The following CLK3 variants were observed in gnomAD, a reference collection of about 807,000 sequenced individuals.
The protein encoded by CLK3 is dual specificity protein kinase CLK3.
Under a neutral mutation model 65.2 loss-of-function variants are expected in CLK3, and 24 were observed. The ratio of observed to expected loss-of-function variants is 0.37; its 90% CI spans 0.27 to 0.52. CLK3 has a LOEUF of 0.52. CLK3 is among the 20% of genes least tolerant of loss of function. CLK3 has a pLI of 0.92. For synonymous variants in CLK3, 252 were observed against 240.8 expected (o/e 1.05, Z -0.43); for missense variants, 506 against 660.0 (o/e 0.77, Z 2.56).
At position 74,624,873 on chromosome 15, in the gene CLK3, A is replaced by C. The variant is rs752581307; in HGVS notation, c.534-29A>C. On this transcript the variant is annotated intron_variant, in intron 5 of 12. Transcript: ENST00000395066. The surrounding 1 kb of genome is among the most constrained non-coding windows in gnomAD (Gnocchi z 4.2). ...GGGAAGGACTGGGCAGCTGCTGATG[A>C]GAACCTCTGTTTCCTTCCCGGGTAC... The C allele has an allele frequency of 1.3e-6, 2 of 1,539,708 alleles. No homozygotes were observed. The highest frequency in any genetic ancestry group is 1.8e-6 in the Non-Finnish European group (2 of 1,122,354).
intron 7 of CLK3, among the ~76,000 whole-genome samples, chr15:74,626,824 G>A (rs2062146388): frequency 6.6e-6 from 1 of 152,192 alleles, no homozygotes; most frequent in Non-Finnish European, 1.5e-5. Context: ...GGAGGGGAAA[G>A]GCTTGCCTGC....
intron 11 of CLK3, 59 bp from the exon 12 acceptor site, chr15:74,628,883 C>T: frequency 2.3e-6 from 3 of 1,284,276 alleles, no homozygotes; most frequent in Non-Finnish European, 3.4e-6. Context: ...TCCCCACCTC[C>T]CACCAGAGGC....
In CLK3 at chr15:74,620,059, A is replaced by T. The variant is rs1262350031; in HGVS notation, c.203A>T (p.Asp68Val). The T allele has an allele frequency of 1.9e-6, 3 of 1,614,058 alleles. No homozygotes were observed. In the East Asian group the frequency reaches 6.7e-5, roughly 36 times the overall value. ...QRRYRERRDS[D>V]TYRCEERSPS... ...AGGTACCGGGAGCGCCGTGACAGCGATACATACCGGTGTGAAGAGCGGAGC... is the reference window on the plus strand; with the variant it reads ...AGGTACCGGGAGCGCCGTGACAGCGTTACATACCGGTGTGAAGAGCGGAGC... Residue 68 changes from aspartate to valine, a missense_variant, in exon 3 of 13, where the codon GAT becomes GTT. This residue lies in a region of CLK3 where 181 missense variants were observed against 159.4 expected (regional missense o/e 1.14). Coordinates refer to ENST00000395066, the MANE Select transcript of CLK3 (RefSeq NM_001130028.2).
In CLK3 at chr15:74,620,110, G is replaced by A. The variant is rs768019957; in HGVS notation, c.254G>A (p.Gly85Glu). 1 of 1,614,218 alleles carries A rather than the reference G, an allele frequency of 6.2e-7. No individual in the cohort carries two copies. The highest frequency in any genetic ancestry group is 8.5e-7 in the Non-Finnish European group (1 of 1,180,042). Residue 85 changes from glycine (G) to glutamate (E), a missense_variant, in exon 3 of 13, where the codon GGA becomes GAA. Coordinates refer to ENST00000395066, the MANE Select transcript of CLK3 (RefSeq NM_001130028.2). ...CCATCCTTTGGAGAGGACTACTATG[G>A]ACCTTCACGTTCTCGTCATCGTCGG... ...RSPSFGEDYY[G>E]PSRSRHRRRS...
upstream of CLK3, chr15:74,615,562 G>A: frequency 1.7e-5 from 21 of 1,269,516 alleles, no homozygotes; most frequent in East Asian, 3.1e-5. Context: ...TCTCGGCTCT[G>A]AGAGCCCAGC....
At position 74,627,614 on chromosome 15, in the gene CLK3, C is replaced by T; in HGVS notation, c.988C>T (p.His330Tyr). 1 of 1,614,124 alleles carries T rather than the reference C, an allele frequency of 6.2e-7. No individual in the cohort carries two copies. Among genetic ancestry groups the T allele is most frequent in the Non-Finnish European group, 8.5e-7 (1 of 1,180,034 alleles). ...TGGCAGTGCCACATTTGACCATGAG[C>T]ACCACACCACCATTGTGGCCACCCG... is the stretch of plus-strand genomic sequence containing the variant. The part of the protein sequence containing the change: ...DFGSATFDHE[H>Y]HTTIVATRHY... The change falls in exon 9 of 13, where the codon CAC becomes TAC. Residue 330 changes from histidine (H) to tyrosine (Y), a missense_variant. This residue lies in a region of CLK3 where 325 missense variants were observed against 500.5 expected (regional missense o/e 0.65). Coordinates refer to ENST00000395066, the MANE Select transcript of CLK3 (RefSeq NM_001130028.2). The surrounding 1 kb of genome is among the most constrained non-coding windows in gnomAD (Gnocchi z 4.3).
In CLK3 at chr15:74,624,778, T is replaced by G. The variant is rs895806903; in HGVS notation, c.534-124T>G. On this transcript the variant is annotated intron_variant, in intron 5 of 12. Coordinates refer to ENST00000395066, the MANE Select transcript of CLK3 (RefSeq NM_001130028.2). The surrounding 1 kb of genome is among the most constrained non-coding windows in gnomAD (Gnocchi z 4.2). ...TGGGGCAGGCTGGGCATCCAGTATC[T>G]GCTCTCTTCAGTGCCGGCTGCTCCT... is the stretch of plus-strand genomic sequence containing the variant. 2 of 702,736 alleles carry G rather than the reference T, an allele frequency of 2.8e-6. No individual in the cohort carries two copies. Among genetic ancestry groups the G allele is most frequent in the African/African-American group, 1.8e-5 (1 of 56,778 alleles). The allele number at this position is 702,736 out of a possible 1,614,324, so 43.5% of individuals were successfully genotyped here.
At chr15:74,612,165 C>T (rs1331601840), upstream of CLK3, among the ~76,000 whole-genome samples, 1 of 152,236 alleles carries the variant, frequency 6.6e-6, no homozygotes, top group African/African-American at 2.4e-5. Flanking sequence ...GCTGCAATCC[C>T]CACCCAACAC....
At chr15:74,615,445 C>G, upstream of CLK3, 1 of 1,284,736 alleles carries the variant, frequency 7.8e-7, no homozygotes, top group Non-Finnish European at 9.9e-7. Context: ...TCTCCGGGGC[C>G]CCGAGAACAA....
chr15:74,629,060 C>T (rs2062169068), intron 12 of CLK3, 28 bp downstream of exon 12: 1 of 1,546,088 alleles, frequency 6.5e-7, no homozygotes, highest in East Asian at 2.2e-5. Context: ...CCCAGCTGAA[C>T]TCATGCCAAG....
chr15:74,622,350 A>G lies in CLK3; in HGVS notation c.466+134A>G. ...CCACCAGTAATTGCCTGAATGACAC[A>G]GACACTAGCAACTTCCATTTTTAAG... On this transcript the variant is annotated intron_variant, in intron 4 of 12. Coordinates refer to ENST00000395066, the MANE Select transcript of CLK3 (RefSeq NM_001130028.2). The surrounding 1 kb of genome is among the most constrained non-coding windows in gnomAD (Gnocchi z 4.6). The G allele has an allele frequency of 9.7e-7, 1 of 1,027,684 alleles. No homozygotes were observed. 63.7% of individuals were successfully genotyped at this position (1,027,684 alleles called of 1,614,324 possible). A position where few individuals can be genotyped will look rare whatever the true frequency, so the allele number is the denominator to read the frequency against.
chr15:74,619,844 G>T, intron 2 of CLK3, 165 bp from the exon 3 acceptor site: 1 of 1,137,972 alleles, frequency 8.8e-7, no homozygotes, highest in Non-Finnish European at 1.2e-6. Flanking sequence ...TGGAGGGCGG[G>T]CTTAGTACCT....
chr15:74,626,480 G>C (rs1032405460), intron 7 of CLK3, among the ~76,000 whole-genome samples: 4 of 152,252 alleles, frequency 2.6e-5, no homozygotes, highest in Admixed American at 2.6e-4. Flanking sequence ...CGTTGAGCTA[G>C]AATCGCTCAA....
intron 1 of CLK3, among the ~76,000 whole-genome samples, chr15:74,618,812 C>T (rs1001604184): frequency 3.3e-5 from 5 of 152,210 alleles, no homozygotes; most frequent in African/African-American, 1.2e-4. Flanking sequence ...GACCGCCCCC[C>T]CGGGCGGGAG....
chr15:74,626,665 G>A (rs2062145400), intron 7 of CLK3, among the ~76,000 whole-genome samples: 2 of 152,218 alleles, frequency 1.3e-5, no homozygotes, highest in African/African-American at 4.8e-5. Flanking sequence ...GTGAGGCCTG[G>A]AGCCTGTTAA....
chr15:74,615,522 C>T (rs1567140893), upstream of CLK3: 2 of 1,294,824 alleles, frequency 1.5e-6, no homozygotes, highest in Non-Finnish European at 2.0e-6. Context: ...CGGAGCGGGC[C>T]CAGCCCCACG....
rs759867816 is a variant in CLK3 at position 74,627,459 on chromosome 15, G to A, written c.912+13G>A. 7 of 1,614,044 alleles carry A rather than the reference G, an allele frequency of 4.3e-6. No homozygotes were observed. In the South Asian group the frequency reaches 7.7e-5, roughly 18 times the overall value. ...CAATGAGCACAAGGTATTGGTGGGG[G>A]TAAGGGTGAGGCCCTGTTTCAGGGG... On this transcript the variant is annotated intron_variant, in intron 8 of 12. Coordinates refer to ENST00000395066, the MANE Select transcript of CLK3 (RefSeq NM_001130028.2). This position sits in a 1 kb window ranked among gnomAD's most constrained non-coding sequence, Gnocchi z 4.3.
upstream of CLK3, chr15:74,613,123 A>G (rs2062011801): frequency 6.6e-6 from 1 of 152,398 alleles, no homozygotes; most frequent in Non-Finnish European, 1.5e-5. Context: ...CAGTAAGGAC[A>G]ATAGAACAAG....
rs190930690 is a variant in CLK3, at chr15:74,618,306, C to T, written c.1-891C>T. Among the ~76,000 whole-genome samples the T allele has an allele frequency of 1.6e-3, 250 of 152,274 alleles. 2 individuals are homozygous for T. The highest frequency in any genetic ancestry group is 1.4e-3 in the Non-Finnish European group (92 of 68,018). On this transcript the variant is annotated intron_variant, in intron 1 of 12. Coordinates refer to ENST00000395066, the MANE Select transcript of CLK3 (RefSeq NM_001130028.2). ...GGTGGCAGATCCAGCCTGGCAATTT[C>T]ATTTGGTGGATATAAGTCCTCACTG...
Sources: gnomAD v4.1 joint callset for allele counts (sites outside exome capture counted in the v4.1 genomes callset) on GRCh38, gnomAD v4.1.1 for gene constraint, gnomAD v4.1.1 regional missense constraint, Gnocchi (gnomAD v3.1) non-coding constraint, MANE v1.5 for transcripts, NCBI Gene and HGNC (gene_info 2026-07-23, HGNC 2026-07-21) for gene names.